DSCAML1: variants seen among roughly 807,000 people sequenced by gnomAD.
DSCAML1 encodes the protein cell adhesion molecule DSCAML1.
Under a neutral mutation model 200.5 loss-of-function variants are expected in DSCAML1, and 38 were observed. The observed-to-expected ratio is 0.19, with a 90% CI of 0.15 to 0.25. The LOEUF (loss-of-function observed/expected upper bound fraction) is 0.25. DSCAML1 is among the 10% of genes least tolerant of loss of function. The pLI, the probability that DSCAML1 is intolerant of heterozygous loss-of-function variation, is 1.00. For missense variants in DSCAML1, 2,223 were observed against 2,858.8 expected (o/e 0.78, Z 5.07); for synonymous variants, 1,215 against 1,165.0 (o/e 1.04, Z -0.87).
intron 11 of DSCAML1, among the ~76,000 whole-genome samples, chr11:117,497,252 A>G (rs2049306985): frequency 6.6e-6 from 1 of 152,202 alleles, no homozygotes; most frequent in Non-Finnish European, 1.5e-5. Flanking sequence ...TACCCAGGGC[A>G]TAGCGAGGAG....
rs529351147 is a variant in DSCAML1, at chr11:117,593,375, C to G, written c.512-60853G>C. On this transcript the variant is annotated intron_variant, in intron 3 of 32. Transcript: ENST00000651296. ...CGTGCACCTCGCTGGGGCCTGGGGGCCTGGGTCACTCAGGTGGTACCTCAG... is the reference window on the plus strand; with the variant it reads ...CGTGCACCTCGCTGGGGCCTGGGGGGCTGGGTCACTCAGGTGGTACCTCAG... Among the ~76,000 whole-genome samples the G allele has an allele frequency of 2.6e-5, 4 of 152,360 alleles. No individual in the cohort carries two copies. In the South Asian group the frequency reaches 8.3e-4, roughly 32 times the overall value.
intron 3 of DSCAML1, among the ~76,000 whole-genome samples, chr11:117,579,026 T>G (rs1205414744): frequency 2.6e-5 from 4 of 152,230 alleles, no homozygotes; most frequent in African/African-American, 9.6e-5. Context: ...TTTTCCTTTC[T>G]GCCTTCACCC....
intron 3 of DSCAML1, among the ~76,000 whole-genome samples, chr11:117,697,587 AC>A (rs2053605745): frequency 6.6e-6 from 1 of 151,402 alleles, no homozygotes; most frequent in African/African-American, 2.4e-5. Flanking sequence ...TTAAACACTA[AC>A]CCCCCATTCC....
At chr11:117,622,883 T>C (rs1010161806) in intron 3 of DSCAML1, among the ~76,000 whole-genome samples, 4 of 152,150 alleles carry the variant, frequency 2.6e-5, no homozygotes, top group African/African-American at 9.7e-5. Flanking sequence ...TATATATAAA[T>C]AATTATGTTT....
At chr11:117,537,312 G>A (rs1278614584) in intron 3 of DSCAML1, among the ~76,000 whole-genome samples, 5 of 152,236 alleles carry the variant, frequency 3.3e-5, no homozygotes, top group African/African-American at 9.6e-5. Flanking sequence ...CTTGGTCTCT[G>A]CCCTCTGGGA....
intron 3 of DSCAML1, among the ~76,000 whole-genome samples, chr11:117,697,954 T>G (rs2053611589): frequency 6.6e-6 from 1 of 152,074 alleles, no homozygotes; most frequent in Admixed American, 6.5e-5. Flanking sequence ...GTATTTTTAG[T>G]AGATACGGGG....
intron 28 of DSCAML1, 72 bp from the exon 29 acceptor site, chr11:117,433,328 G>C (rs1011237838): frequency 1.7e-5 from 27 of 1,568,374 alleles, no homozygotes; most frequent in Non-Finnish European, 2.3e-5. Context: ...CTGCAGGACA[G>C]TGGGATTTTA....
Position 117,780,185 on chromosome 11 carries a change from A to AGAAAG in DSCAML1, c.364+307_364+308insCTTTC, listed in dbSNP as rs1345667190. On this transcript the variant is annotated intron_variant, in intron 2 of 32. Coordinates refer to ENST00000651296, the MANE Select transcript of DSCAML1 (RefSeq NM_020693.4). This position sits in a 1 kb window ranked among gnomAD's most constrained non-coding sequence, Gnocchi z 4.8. ...AAAGAAAGAAAGAAAAAAAGAAAAA[A>AGAAAG]AGAAAGAAAGAAAGAGAAAGAAAGA... 1.0e-4 allele frequency among the ~76,000 whole-genome samples: 10 copies of AGAAAG among 99,142 alleles called. No individual in the cohort carries two copies. Among genetic ancestry groups the AGAAAG allele is most frequent in the Non-Finnish European group, 1.5e-4 (7 of 46,840 alleles). The allele number at this position is 99,142 out of a possible 152,430, so 65.0% of individuals were successfully genotyped here.
In DSCAML1 at chr11:117,718,681, C is replaced by CA. The variant is rs1232957029; in HGVS notation, c.511+58109_511+58110insT. On this transcript the variant is annotated intron_variant, in intron 3 of 32. Coordinates refer to ENST00000651296, the MANE Select transcript of DSCAML1 (RefSeq NM_020693.4). The stretch of plus-strand genomic sequence containing the variant: ...TGAATACTCAAAACCCCCCCCCCCC[C>CA]CCATCATATGAGACCTTTAAAAAAT... Among the ~76,000 whole-genome samples the CA allele has an allele frequency of 7.5e-5, 8 of 106,056 alleles. 1 individual carries two copies. The highest frequency in any genetic ancestry group is 1.8e-4 in the Admixed American group (2 of 11,190). The allele number at this position is 106,056 out of a possible 152,430, so 69.6% of individuals were successfully genotyped here. A position where few individuals can be genotyped will look rare whatever the true frequency, so the allele number is the denominator to read the frequency against.
intron 3 of DSCAML1, among the ~76,000 whole-genome samples, chr11:117,588,394 C>T (rs1474195796): frequency 1.3e-5 from 2 of 152,158 alleles, no homozygotes; most frequent in African/African-American, 4.8e-5. Flanking sequence ...TCCCATCTGG[C>T]CTTAGGTAGC....
At chr11:117,604,163 C>G (rs2051519146) in intron 3 of DSCAML1, among the ~76,000 whole-genome samples, 1 of 152,124 alleles carries the variant, frequency 6.6e-6, no homozygotes, top group Non-Finnish European at 1.5e-5. Context: ...CTTCATGAGC[C>G]CTAGCACACT....
intron 24 of DSCAML1, among the ~76,000 whole-genome samples, 188 bp downstream of exon 24, chr11:117,438,697 G>A (rs1441607220): frequency 1.3e-5 from 2 of 152,178 alleles, no homozygotes; most frequent in Non-Finnish European, 2.9e-5. Flanking sequence ...AGGGGCGGGC[G>A]TACTAAATCC....
chr11:117,632,250 A>C (rs1474369533), intron 3 of DSCAML1, among the ~76,000 whole-genome samples: 1 of 152,220 alleles, frequency 6.6e-6, no homozygotes, highest in Non-Finnish European at 1.5e-5. Flanking sequence ...GGATAGCCAC[A>C]TGCGGTCTTG....
intron 29 of DSCAML1, 84 bp downstream of exon 29, chr11:117,433,054 G>T: frequency 8.3e-7 from 1 of 1,201,276 alleles, no homozygotes; most frequent in Non-Finnish European, 1.2e-6. Context: ...GCACTGCCAT[G>T]AGGGTTGGTG....
intron 8 of DSCAML1, among the ~76,000 whole-genome samples, chr11:117,506,596 AC>A (rs1385396818): frequency 3.2e-5 from 4 of 123,442 alleles, no homozygotes; most frequent in Admixed American, 3.2e-4. Context: ...TTGCTCTGTC[AC>A]CCAGGCGGGA....
chr11:117,459,917 C>T (rs920721369), intron 18 of DSCAML1, among the ~76,000 whole-genome samples: 5 of 152,228 alleles, frequency 3.3e-5, no homozygotes, highest in African/African-American at 7.2e-5. Flanking sequence ...CTGTGCCCAG[C>T]GTGAGAAGAC....
At chr11:117,681,403 TG>T (rs1052618483) in intron 3 of DSCAML1, among the ~76,000 whole-genome samples, 1 of 152,352 alleles carries the variant, frequency 6.6e-6, no homozygotes, top group African/African-American at 2.4e-5. Flanking sequence ...CTATGTGCTT[TG>T]GGGACATGGC....
intron 28 of DSCAML1, 60 bp downstream of exon 28, chr11:117,433,381 G>T (rs2047843504): frequency 9.4e-6 from 15 of 1,599,322 alleles, no homozygotes; most frequent in Middle Eastern, 3.4e-4. Flanking sequence ...GAGGCTCCTG[G>T]GTCCTCCTCA....
chr11:117,462,794 T>C (rs2048506234), intron 17 of DSCAML1, among the ~76,000 whole-genome samples: 1 of 152,228 alleles, frequency 6.6e-6, no homozygotes, highest in South Asian at 2.1e-4. Flanking sequence ...AGTGCTAATA[T>C]TGCCAGGAAA....
Sources: allele counts gnomAD v4.1 joint callset (sites outside exome capture counted in the v4.1 genomes callset), GRCh38; gene constraint gnomAD v4.1.1; non-coding constraint Gnocchi (gnomAD v3.1); transcripts MANE v1.5; gene names NCBI Gene and HGNC (gene_info 2026-07-23, HGNC 2026-07-21).